MMP16: variants seen among roughly 807,000 people sequenced by gnomAD.
The protein encoded by MMP16 is matrix metallopeptidase 16, also known as matrix metalloproteinase-16.
A neutral mutation model predicts 67.8 loss-of-function variants in MMP16; 12 were observed. That is an observed-to-expected ratio of 0.18 (90% CI 0.11 to 0.29). The LOEUF is 0.29. Ranked by LOEUF, MMP16 falls within the 10% of genes least tolerant of loss-of-function variation. The pLI, the probability that MMP16 is intolerant of heterozygous loss-of-function variation, is 1.00. For synonymous variants in MMP16, 249 were observed against 255.9 expected, an observed-to-expected ratio of 0.97 and a Z score of 0.26; for missense variants, 475 against 765.7, an observed-to-expected ratio of 0.62 and a Z score of 4.48.
Position 88,158,831 on chromosome 8 carries a change from T to A in MMP16, c.709+8838A>T, listed in dbSNP as rs189909956. Among the ~76,000 whole-genome samples, 286 of 152,346 alleles carry A rather than the reference T, an allele frequency of 1.9e-3. 1 individual carries two copies. The highest frequency in any genetic ancestry group is 3.1e-3 in the Non-Finnish European group (208 of 68,040). ...ATTTAAGTCTTTAATCCATCTTCAC[T>A]TAATTTTTGTATAAGGTGTAAGGAA... is the stretch of plus-strand genomic sequence containing the variant. On this transcript the variant is annotated intron_variant, in intron 4 of 9. Coordinates refer to ENST00000286614, the MANE Select transcript of MMP16 (RefSeq NM_005941.5).
rs576807134 is a variant in MMP16 at position 88,281,362 on chromosome 8, G to C, written c.132+45713C>G. Among the ~76,000 whole-genome samples the C allele has an allele frequency of 3.3e-5, 5 of 152,230 alleles. No individual in the cohort carries two copies. In the East Asian group the frequency reaches 9.7e-4, roughly 29 times the overall value. Reference sequence around the variant, plus strand: ...AAGGGTTAAGAGAGAGCTCCCAAGGGGAAGAAAGCATTCCAACATGCTTCT... The same window carrying C: ...AAGGGTTAAGAGAGAGCTCCCAAGGCGAAGAAAGCATTCCAACATGCTTCT... On this transcript the variant is annotated intron_variant, in intron 1 of 9. Transcript: ENST00000286614.
chr8:88,210,535 T>A (rs1809497439), intron 1 of MMP16, among the ~76,000 whole-genome samples: 1 of 152,066 alleles, frequency 6.6e-6, no homozygotes, highest in African/African-American at 2.4e-5. Flanking sequence ...ACCACCGTAC[T>A]CTCCCCCATA....
intron 4 of MMP16, among the ~76,000 whole-genome samples, chr8:88,133,098 T>A (rs1183034450): frequency 6.6e-6 from 1 of 151,892 alleles, no homozygotes; most frequent in Non-Finnish European, 1.5e-5. Context: ...TCTTCTATGA[T>A]AATAGAAAAT....
intron 4 of MMP16, among the ~76,000 whole-genome samples, chr8:88,129,573 CA>C (rs1807992262): frequency 2.0e-5 from 3 of 150,848 alleles, no homozygotes; most frequent in Admixed American, 6.6e-5. Context: ...CCTGTTTTGC[CA>C]AAAAATATTA....
At chr8:88,108,296 C>T (rs751331260) in intron 6 of MMP16, among the ~76,000 whole-genome samples, 5 of 151,116 alleles carry the variant, frequency 3.3e-5, no homozygotes, top group South Asian at 2.1e-4. Context: ...GTTGGAGAAA[C>T]GGCTAGCTAT....
At chr8:88,052,492 C>T (rs1382381390) in intron 8 of MMP16, among the ~76,000 whole-genome samples, 2 of 152,174 alleles carry the variant, frequency 1.3e-5, no homozygotes, top group Admixed American at 1.3e-4. Flanking sequence ...TCCACGCCTC[C>T]ACTCTTGGAG....
chr8:88,167,635 A>T (rs1808735642), intron 4 of MMP16, 34 bp downstream of exon 4: 2 of 1,508,856 alleles, frequency 1.3e-6, no homozygotes, highest in Non-Finnish European at 1.8e-6. Context: ...ATAATAATAG[A>T]AATATTTACA....
intron 1 of MMP16, among the ~76,000 whole-genome samples, chr8:88,298,348 T>C (rs1811043621): frequency 6.6e-6 from 1 of 152,194 alleles, no homozygotes; most frequent in African/African-American, 2.4e-5. Context: ...TGCTTGTAAT[T>C]GCCAAATTTA....
At position 88,054,052 on chromosome 8, in the gene MMP16, C is replaced by T. The variant is rs185295677; in HGVS notation, c.1373+2076G>A. Among the ~76,000 whole-genome samples, 577 of 152,136 alleles carry T rather than the reference C, an allele frequency of 3.8e-3. 5 individuals carry two copies. The highest frequency in any genetic ancestry group is 0.013 in the African/African-American group (535 of 41,518). On this transcript the variant is annotated intron_variant, in intron 8 of 9. Coordinates refer to ENST00000286614, the MANE Select transcript of MMP16 (RefSeq NM_005941.5). ...GATTTCACAAATTTAAGGTAGTTCA[C>T]GTTTAATCCTGAAACTTAAATGTTC...
At chr8:88,262,107 A>AC (rs1810396942) in intron 1 of MMP16, among the ~76,000 whole-genome samples, 3 of 152,276 alleles carry the variant, frequency 2.0e-5, no homozygotes, top group African/African-American at 7.2e-5. Flanking sequence ...TGATATTTGA[A>AC]CCTTAGTCAA....
At chr8:88,310,766 T>A (rs1484860859) in intron 1 of MMP16, among the ~76,000 whole-genome samples, 1 of 152,116 alleles carries the variant, frequency 6.6e-6, no homozygotes, top group African/African-American at 2.4e-5. Context: ...AATTCGCCCA[T>A]ATGCCCCCAG....
chr8:88,177,253 G>A (rs577074499), intron 3 of MMP16, among the ~76,000 whole-genome samples: 123 of 152,292 alleles, frequency 8.1e-4, no homozygotes, highest in African/African-American at 2.9e-3. Context: ...ATATGGTCTT[G>A]CAGTCTCTGC....
intron 1 of MMP16, among the ~76,000 whole-genome samples, chr8:88,202,096 T>TCC: frequency 6.6e-6 from 1 of 152,196 alleles, no homozygotes; most frequent in South Asian, 2.1e-4. Flanking sequence ...CACCATCCCA[T>TCC]CCCCAGCATG....
rs1010348217 is a variant in MMP16, at chr8:88,032,179, C to T, written c.*9282G>A. Reference sequence around the variant, plus strand: ...CCCTAATCCCCTCCTTGAATGGAAACAAAATAAATATAAATTAATAAATAC... The same window carrying T: ...CCCTAATCCCCTCCTTGAATGGAAATAAAATAAATATAAATTAATAAATAC... On this transcript the variant is annotated 3_prime_UTR_variant, in exon 10 of 10. Transcript: ENST00000286614. 2.0e-5 allele frequency: 3 copies of T among 152,098 alleles called. No individual in the cohort carries two copies. The highest frequency in any genetic ancestry group is 7.2e-5 in the African/African-American group (3 of 41,412). 9.4% of individuals were successfully genotyped at this position (152,098 alleles called of 1,614,324 possible). A position where few individuals can be genotyped will look rare whatever the true frequency, so the allele number is the denominator to read the frequency against.
intron 7 of MMP16, among the ~76,000 whole-genome samples, chr8:88,061,155 CA>C: frequency 1.3e-5 from 2 of 151,322 alleles, no homozygotes; most frequent in Non-Finnish European, 3.0e-5. Context: ...CACACACACA[CA>C]CACACACACA....
intron 1 of MMP16, among the ~76,000 whole-genome samples, chr8:88,265,876 A>C (rs182238406): frequency 1.1e-4 from 16 of 152,314 alleles, no homozygotes; most frequent in Admixed American, 8.5e-4. Flanking sequence ...TACACTGACA[A>C]CTGAGGCATT....
intron 3 of MMP16, among the ~76,000 whole-genome samples, chr8:88,182,606 GTAA>G (rs1250261528): frequency 2.6e-5 from 4 of 152,098 alleles, no homozygotes; most frequent in Non-Finnish European, 5.9e-5. Flanking sequence ...TTTACTGCTG[GTAA>G]TAATGCAAAA....
At chr8:88,160,542 T>C (rs945577055) in intron 4 of MMP16, among the ~76,000 whole-genome samples, 1 of 152,078 alleles carries the variant, frequency 6.6e-6, no homozygotes, top group African/African-American at 2.4e-5. Context: ...ATGCTCACCA[T>C]CACTGGCCAT....
Position 88,323,497 on chromosome 8 carries a change from C to T in MMP16, c.132+3578G>A, listed in dbSNP as rs889061931. On this transcript the variant is annotated intron_variant, in intron 1 of 9. Coordinates refer to ENST00000286614, the MANE Select transcript of MMP16 (RefSeq NM_005941.5). ...CTCTGCTTTCTTTAATCAGGAACAA[C>T]AAAATCAATTTTTGCCTTATCAAGA... is the stretch of plus-strand genomic sequence containing the variant. Among the ~76,000 whole-genome samples the T allele has an allele frequency of 2.0e-5, 3 of 152,180 alleles. No homozygotes were observed. The East Asian group carries it at 5.8e-4, about 29-fold the overall frequency.
Sources: allele counts gnomAD v4.1 joint callset (sites outside exome capture counted in the v4.1 genomes callset), GRCh38; gene constraint gnomAD v4.1.1; transcripts MANE v1.5; gene names NCBI Gene and HGNC (gene_info 2026-07-23, HGNC 2026-07-21).